Variants in GALNTL6 observed in about 807,000 individuals in gnomAD.
The protein encoded by GALNTL6 is polypeptide N-acetylgalactosaminyltransferase-like 6.
A neutral mutation model predicts 73.7 loss-of-function variants in GALNTL6; 46 were observed. That is an observed-to-expected ratio of 0.62 (90% CI 0.49 to 0.80). The LOEUF (loss-of-function observed/expected upper bound fraction) is 0.80, where lower values mean the gene tolerates loss of function less well. Among genes scored for constraint, GALNTL6 ranks in the 30% least tolerant of loss-of-function variants. GALNTL6 has a pLI of 0.00. For synonymous variants in GALNTL6, 259 were observed against 263.7 expected (o/e 0.98, Z 0.17); for missense variants, 604 against 755.0 (o/e 0.80, Z 2.34).
chr4:172,797,502 C>T (rs954206588), intron 5 of GALNTL6, among the ~76,000 whole-genome samples: 4 of 152,270 alleles, frequency 2.6e-5, no homozygotes, highest in East Asian at 3.9e-4. Context: ...GCCTCAGCCT[C>T]CCAAAGTGCT....
Position 172,050,715 on chromosome 4 carries a change from G to A in GALNTL6, c.139-178941G>A, listed in dbSNP as rs148842173. 6.6e-5 allele frequency among the ~76,000 whole-genome samples: 10 copies of A among 152,180 alleles called. No homozygotes were observed. The East Asian group carries it at 1.2e-3, about 18-fold the overall frequency. ...TATTTTGAGCTATTATCACCTTCTT[G>A]CTTATCAAATTCCTTATATACTTCT... On this transcript the variant is annotated intron_variant, in intron 2 of 12. Transcript: ENST00000506823.
intron 2 of GALNTL6, among the ~76,000 whole-genome samples, chr4:172,092,331 C>A (rs1029126301): frequency 6.6e-6 from 1 of 151,978 alleles, no homozygotes; most frequent in Admixed American, 6.6e-5. Flanking sequence ...AAATTTGGAA[C>A]ACATATTAAT....
At chr4:171,867,848 A>G (rs989593584) in intron 2 of GALNTL6, among the ~76,000 whole-genome samples, 2 of 152,064 alleles carry the variant, frequency 1.3e-5, no homozygotes, top group Non-Finnish European at 2.9e-5. Flanking sequence ...CTCATTCACA[A>G]TTTGCTTTAT....
At chr4:172,195,025 C>G (rs888210399) in intron 2 of GALNTL6, among the ~76,000 whole-genome samples, 4 of 151,884 alleles carry the variant, frequency 2.6e-5, no homozygotes, top group Admixed American at 2.6e-4. Context: ...GAGTCAAGAC[C>G]CATTGGCATG....
intron 5 of GALNTL6, among the ~76,000 whole-genome samples, chr4:172,795,817 C>T (rs1740230766): frequency 6.6e-6 from 1 of 151,734 alleles, no homozygotes; most frequent in South Asian, 2.1e-4. Context: ...AAGAAAATTA[C>T]AGATTCAGAA....
At chr4:172,764,424 G>A (rs966791762) in intron 5 of GALNTL6, among the ~76,000 whole-genome samples, 1 of 151,650 alleles carries the variant, frequency 6.6e-6, no homozygotes, top group African/African-American at 2.4e-5. Flanking sequence ...TCTATCTTAA[G>A]GAAATAATCA....
chr4:172,277,950 A>T (rs1259574764), intron 3 of GALNTL6, among the ~76,000 whole-genome samples: 1 of 152,198 alleles, frequency 6.6e-6, no homozygotes, highest in Non-Finnish European at 1.5e-5. Flanking sequence ...TTTATAACAC[A>T]TTAAAACATA....
At chr4:171,973,974 T>A (rs921304330) in intron 2 of GALNTL6, among the ~76,000 whole-genome samples, 1 of 152,050 alleles carries the variant, frequency 6.6e-6, no homozygotes, top group African/African-American at 2.4e-5. Flanking sequence ...AGACATTTTG[T>A]TTTTGCAATT....
intron 5 of GALNTL6, among the ~76,000 whole-genome samples, chr4:172,580,785 T>A (rs2110972316): frequency 6.6e-6 from 1 of 152,352 alleles, no homozygotes; most frequent in Middle Eastern, 3.4e-3. Flanking sequence ...TTTTGTTTGT[T>A]TGTTTGTTTT....
chr4:172,313,179 G>A (rs1273974208), intron 4 of GALNTL6, among the ~76,000 whole-genome samples: 1 of 143,584 alleles, frequency 7.0e-6, no homozygotes, highest in Non-Finnish European at 1.5e-5. Flanking sequence ...AGGCTGGAGT[G>A]CAGTGGCTTG....
intron 5 of GALNTL6, among the ~76,000 whole-genome samples, chr4:172,750,038 C>G (rs1737338766): frequency 1.3e-5 from 2 of 152,114 alleles, no homozygotes. Context: ...TTAGTGTTCC[C>G]TGATTCTTGT....
intron 5 of GALNTL6, among the ~76,000 whole-genome samples, chr4:172,661,227 C>T (rs1176615881): frequency 6.6e-6 from 1 of 152,084 alleles, no homozygotes; most frequent in Non-Finnish European, 1.5e-5. Flanking sequence ...ACCTCCAGCC[C>T]CTCACCTCTC....
intron 11 of GALNTL6, among the ~76,000 whole-genome samples, chr4:173,010,588 T>A (rs150398976): frequency 5.3e-5 from 8 of 151,966 alleles, no homozygotes; most frequent in African/African-American, 1.5e-4. Context: ...TTTTGTTGTT[T>A]TTTTTGTTTT....
chr4:171,905,247 C>A (rs533951326), intron 2 of GALNTL6, among the ~76,000 whole-genome samples: 2,031 of 151,794 alleles, frequency 0.013, 47 homozygotes, highest in African/African-American at 0.046. Context: ...ATTCAGGAAA[C>A]CCATCTCACA....
At chr4:172,413,677 T>A (rs796468988) in intron 5 of GALNTL6, among the ~76,000 whole-genome samples, 5 of 150,454 alleles carry the variant, frequency 3.3e-5, no homozygotes, top group African/African-American at 1.2e-4. Flanking sequence ...TTTTTTGCTA[T>A]CTGTGAAACT....
chr4:172,425,507 G>T (rs796361480), intron 5 of GALNTL6, among the ~76,000 whole-genome samples: 6 of 152,040 alleles, frequency 3.9e-5, no homozygotes, highest in African/African-American at 1.4e-4. Context: ...ACTGAGAAAT[G>T]GGGAACAAAG....
chr4:172,626,559 T>C (rs997286936), intron 5 of GALNTL6, among the ~76,000 whole-genome samples: 4 of 152,124 alleles, frequency 2.6e-5, no homozygotes, highest in African/African-American at 7.2e-5. Context: ...ATTGCATTAG[T>C]AGTTTGATAG....
intron 2 of GALNTL6, among the ~76,000 whole-genome samples, chr4:171,840,867 A>G (rs963980260): frequency 6.6e-6 from 1 of 152,094 alleles, no homozygotes; most frequent in Non-Finnish European, 1.5e-5. Context: ...ATTCTCCCCC[A>G]TTGGAAAATT....
chr4:172,186,785 A>G (rs1735428622), intron 2 of GALNTL6, among the ~76,000 whole-genome samples: 2 of 152,120 alleles, frequency 1.3e-5, no homozygotes, highest in African/African-American at 4.8e-5. Flanking sequence ...GGTTAAAAGA[A>G]TATGGAGTAA....
Sources: allele counts gnomAD v4.1 joint callset (sites outside exome capture counted in the v4.1 genomes callset), GRCh38; gene constraint gnomAD v4.1.1; transcripts MANE v1.5; gene names NCBI Gene and HGNC (gene_info 2026-07-23, HGNC 2026-07-21).